COLEC12: variants seen among roughly 807,000 people sequenced by gnomAD.
COLEC12 encodes collectin subfamily member 12.
COLEC12 carries 33 observed loss-of-function variants against 71.1 expected under a neutral mutation model. The ratio of observed to expected loss-of-function variants is 0.46; its 90% CI spans 0.35 to 0.62. COLEC12 has a LOEUF of 0.62. Ranked by LOEUF, COLEC12 falls within the 20% of genes least tolerant of loss-of-function variation. The probability of loss-of-function intolerance (pLI) is 0.00; values close to 1 mark genes in which losing one functional copy is unlikely to be tolerated. For missense variants in COLEC12, 765 were observed against 916.1 expected, an observed-to-expected ratio of 0.84 and a Z score of 2.13; for synonymous variants, 350 against 353.0, an observed-to-expected ratio of 0.99 and a Z score of 0.10.
At chr18:375,818 G>C (rs1057131809) in intron 2 of COLEC12, among the ~76,000 whole-genome samples, 1 of 152,212 alleles carries the variant, frequency 6.6e-6, no homozygotes, top group South Asian at 2.1e-4. Flanking sequence ...AAGATGGTTA[G>C]AACAGTATCT....
At chr18:368,059 AAGTC>A (rs2143525275) in intron 2 of COLEC12, among the ~76,000 whole-genome samples, 1 of 152,380 alleles carries the variant, frequency 6.6e-6, no homozygotes, top group East Asian at 1.9e-4. Context: ...ATTAAACAAA[AAGTC>A]AGAAGGCATG....
At chr18:342,408 T>C (rs1246309508) in intron 5 of COLEC12, among the ~76,000 whole-genome samples, 2 of 152,260 alleles carry the variant, frequency 1.3e-5, no homozygotes, top group African/African-American at 4.8e-5. Flanking sequence ...CAATTCCTAA[T>C]GCGGCAAATG....
chr18:420,596 C>T (rs1916078986), intron 2 of COLEC12, among the ~76,000 whole-genome samples: 1 of 152,114 alleles, frequency 6.6e-6, no homozygotes. Context: ...GGTTAAACGC[C>T]TGACTGGACA....
chr18:346,488 G>A lies in COLEC12; in HGVS notation c.1134C>T (p.His378=), dbSNP rs372542608. ...RTTCTDTLTK[H]TDDLTSLNNT... ...TATTCAAGGAGGTCAGATCATCTGT[G>A]TGTTTGGTAAGGGTATCTGTGCAAG... is the stretch of plus-strand genomic sequence containing the variant. The change falls in exon 5 of 10, where the codon CAC becomes CAT. Residue 378 remains histidine, a synonymous_variant. Coordinates refer to ENST00000400256, the MANE Select transcript of COLEC12 (RefSeq NM_130386.3). The surrounding 1 kb of genome is among the most constrained non-coding windows in gnomAD (Gnocchi z 4.0). The A allele has an allele frequency of 1.2e-6, 2 of 1,614,090 alleles. No homozygotes were observed. The highest frequency in any genetic ancestry group is 1.7e-6 in the Non-Finnish European group (2 of 1,180,046).
At chr18:407,630 C>G (rs533865878) in intron 2 of COLEC12, among the ~76,000 whole-genome samples, 2 of 152,190 alleles carry the variant, frequency 1.3e-5, no homozygotes, top group Non-Finnish European at 2.9e-5. Context: ...GAAACCCACC[C>G]GCATTAGGGA....
At chr18:338,984 A>ATTTTTTTTTTTTTTTTTT (rs33991062) in intron 5 of COLEC12, among the ~76,000 whole-genome samples, 6 of 144,484 alleles carry the variant, frequency 4.2e-5, no homozygotes, top group African/African-American at 7.8e-5. Flanking sequence ...TATTGTCTTA[A>ATTTTTTTTTTTTTTTTTT]TTTTTTTTTT....
At chr18:486,740 T>A (rs551044043) in intron 1 of COLEC12, among the ~76,000 whole-genome samples, 1 of 152,260 alleles carries the variant, frequency 6.6e-6, no homozygotes, top group South Asian at 2.1e-4. Context: ...AATTTGGGAA[T>A]AAAGGTGAGG....
At chr18:463,730 G>A (rs778625122) in intron 2 of COLEC12, among the ~76,000 whole-genome samples, 14 of 152,128 alleles carry the variant, frequency 9.2e-5, no homozygotes, top group South Asian at 4.2e-4. Context: ...CTTCATTCCC[G>A]TTGTCACACG....
intron 2 of COLEC12, among the ~76,000 whole-genome samples, chr18:436,095 T>C (rs1427837089): frequency 6.6e-6 from 1 of 152,238 alleles, no homozygotes; most frequent in Non-Finnish European, 1.5e-5. Context: ...ATCAACTCTT[T>C]GCTTCTTGCT....
intron 2 of COLEC12, among the ~76,000 whole-genome samples, chr18:446,337 G>A (rs1364804686): frequency 1.3e-5 from 2 of 151,994 alleles, no homozygotes; most frequent in Non-Finnish European, 2.9e-5. Flanking sequence ...AAACTGCTGG[G>A]TCATATGAAA....
chr18:344,972 T>C (rs1914338182), intron 5 of COLEC12, among the ~76,000 whole-genome samples: 1 of 152,252 alleles, frequency 6.6e-6, no homozygotes, highest in South Asian at 2.1e-4. Flanking sequence ...CGGATCTGCC[T>C]TCAGCCTCAC....
chr18:450,477 A>G (rs1227589796), intron 2 of COLEC12, among the ~76,000 whole-genome samples: 1 of 152,170 alleles, frequency 6.6e-6, no homozygotes, highest in Non-Finnish European at 1.5e-5. Context: ...TCTGGCCATT[A>G]AGATGTGCCT....
intron 5 of COLEC12, among the ~76,000 whole-genome samples, chr18:341,592 A>C (rs888928297): frequency 6.6e-6 from 1 of 152,202 alleles, no homozygotes; most frequent in African/African-American, 2.4e-5. Context: ...GTGCATATGA[A>C]GCTGTTTTGT....
intron 1 of COLEC12, among the ~76,000 whole-genome samples, chr18:489,253 G>A (rs1917576953): frequency 6.6e-6 from 1 of 152,208 alleles, no homozygotes; most frequent in East Asian, 1.9e-4. Flanking sequence ...GAAATTCTAA[G>A]GATAAATTAT....
intron 2 of COLEC12, among the ~76,000 whole-genome samples, chr18:395,399 G>A (rs1915549001): frequency 1.3e-5 from 2 of 152,136 alleles, no homozygotes; most frequent in Non-Finnish European, 2.9e-5. Flanking sequence ...TTTTTGGGAG[G>A]CCAGGCATAC....
intron 2 of COLEC12, among the ~76,000 whole-genome samples, chr18:388,074 T>A (rs1378485420): frequency 3.9e-5 from 6 of 152,196 alleles, no homozygotes; most frequent in African/African-American, 1.2e-4. Context: ...AGCTGCACCT[T>A]CTTTCATTTC....
rs550945667 is a variant in COLEC12 at position 395,992 on chromosome 18, C to A, written c.59-38470G>T. Among the ~76,000 whole-genome samples the A allele has an allele frequency of 2.6e-5, 4 of 152,326 alleles. No homozygotes were observed. In the South Asian group the frequency reaches 8.3e-4, roughly 32 times the overall value. On this transcript the variant is annotated intron_variant, in intron 2 of 9. Coordinates refer to ENST00000400256, the MANE Select transcript of COLEC12 (RefSeq NM_130386.3). Reference sequence around the variant, plus strand: ...CAGGCCCTGTGCGACCCAGAGCACACAATGTGGTGGAGAGCGCTGCCAAGG... The same window carrying A: ...CAGGCCCTGTGCGACCCAGAGCACAAAATGTGGTGGAGAGCGCTGCCAAGG...
chr18:337,566 TTC>T (rs1386163071), intron 5 of COLEC12, among the ~76,000 whole-genome samples: 3 of 152,204 alleles, frequency 2.0e-5, no homozygotes, highest in Non-Finnish European at 4.4e-5. Context: ...CCTAAATGCA[TTC>T]TTTCTAGTGT....
intron 2 of COLEC12, among the ~76,000 whole-genome samples, chr18:369,986 A>G (rs1043876998): frequency 7.2e-5 from 11 of 152,172 alleles, no homozygotes; most frequent in Admixed American, 5.9e-4. Context: ...ACCTCTCAAA[A>G]TCATGCAGGG....
Sources: gnomAD v4.1 joint callset for allele counts (sites outside exome capture counted in the v4.1 genomes callset) on GRCh38, gnomAD v4.1.1 for gene constraint, Gnocchi (gnomAD v3.1) non-coding constraint, MANE v1.5 for transcripts, NCBI Gene and HGNC (gene_info 2026-07-23, HGNC 2026-07-21) for gene names.